ZFAT: variants seen among roughly 807,000 people sequenced by gnomAD.
The protein encoded by ZFAT is zinc finger protein ZFAT.
A neutral mutation model predicts 117.7 loss-of-function variants in ZFAT; 64 were observed. The observed-to-expected ratio is 0.54, with a 90% CI of 0.44 to 0.67. The LOEUF (loss-of-function observed/expected upper bound fraction) is 0.67, where lower values mean the gene tolerates loss of function less well. ZFAT is among the 30% of genes least tolerant of loss of function. The probability of loss-of-function intolerance (pLI) is 0.00; values close to 1 mark genes in which losing one functional copy is unlikely to be tolerated. For synonymous variants in ZFAT, 679 were observed against 615.0 expected, an observed-to-expected ratio of 1.10 and a Z score of -1.54; for missense variants, 1,433 against 1,584.5, an observed-to-expected ratio of 0.90 and a Z score of 1.62.
chr8:134,539,237 T>C (rs1349718750), intron 11 of ZFAT, among the ~76,000 whole-genome samples: 1 of 152,170 alleles, frequency 6.6e-6, no homozygotes, highest in Non-Finnish European at 1.5e-5. Flanking sequence ...GATGAGGTAA[T>C]GTTCAAGGTC....
At chr8:134,573,598 C>T (rs1276452975) in intron 10 of ZFAT, among the ~76,000 whole-genome samples, 1 of 152,204 alleles carries the variant, frequency 6.6e-6, no homozygotes. Flanking sequence ...TCACTAGCAG[C>T]TCCATTTCCC....
chr8:134,676,124 G>A (rs1367878958), intron 1 of ZFAT, among the ~76,000 whole-genome samples: 2 of 151,940 alleles, frequency 1.3e-5, no homozygotes, highest in African/African-American at 4.8e-5. Context: ...TGGTCTAAAT[G>A]CCCCAATTAA....
At chr8:134,619,167 T>C (rs1828942191) in intron 3 of ZFAT, among the ~76,000 whole-genome samples, 1 of 152,186 alleles carries the variant, frequency 6.6e-6, no homozygotes, top group Non-Finnish European at 1.5e-5. Flanking sequence ...TAGCTTAGCC[T>C]ATCCTATCTT....
chr8:134,766,559 AT>A, the ZFAT span: 1 of 152,072 alleles, frequency 6.6e-6, no homozygotes, highest in Non-Finnish European at 1.5e-5. Flanking sequence ...TCACTTTTCA[AT>A]TTATTATTTA....
the ZFAT span, among the ~76,000 whole-genome samples, chr8:134,747,255 A>G: frequency 2.0e-5 from 3 of 151,352 alleles, no homozygotes; most frequent in Admixed American, 6.6e-5. Flanking sequence ...CACCCAGCTA[A>G]TTTTTAAAAA....
the ZFAT span, among the ~76,000 whole-genome samples, chr8:134,757,675 C>A: frequency 6.6e-6 from 1 of 152,060 alleles, no homozygotes; most frequent in African/African-American, 2.4e-5. Context: ...TTGCAGGGTA[C>A]CAATGATTTG....
At chr8:134,609,149 C>T (rs1178223977) in intron 4 of ZFAT, among the ~76,000 whole-genome samples, 1 of 148,874 alleles carries the variant, frequency 6.7e-6, no homozygotes, top group Non-Finnish European at 1.5e-5. Flanking sequence ...TTAAAAAGTA[C>T]ACATATACAC....
At chr8:134,543,238 C>A (rs1822417559) in intron 11 of ZFAT, among the ~76,000 whole-genome samples, 1 of 151,284 alleles carries the variant, frequency 6.6e-6, no homozygotes, top group East Asian at 1.9e-4. Context: ...TGTACAAATC[C>A]CCAGATGACC....
intron 1 of ZFAT, among the ~76,000 whole-genome samples, chr8:134,666,196 C>T: frequency 6.6e-6 from 1 of 152,134 alleles, no homozygotes; most frequent in Non-Finnish European, 1.5e-5. Flanking sequence ...AACTCCCACC[C>T]CCATCCACCA....
chr8:134,806,685 A>C, the ZFAT span, among the ~76,000 whole-genome samples: 1 of 152,206 alleles, frequency 6.6e-6, no homozygotes, highest in Non-Finnish European at 1.5e-5. Context: ...TATTTAACTC[A>C]CACAAACAAT....
At chr8:134,807,150 T>C in the ZFAT span, among the ~76,000 whole-genome samples, 1 of 152,232 alleles carries the variant, frequency 6.6e-6, no homozygotes, top group Non-Finnish European at 1.5e-5. Context: ...TAACTGGAAA[T>C]GTTTGTCAAT....
chr8:134,522,574 C>A (rs1434173634), intron 12 of ZFAT, among the ~76,000 whole-genome samples: 2 of 152,338 alleles, frequency 1.3e-5, no homozygotes, highest in East Asian at 3.9e-4. Context: ...AGAGCACACT[C>A]CAGAGCCCAA....
intron 15 of ZFAT, among the ~76,000 whole-genome samples, chr8:134,490,952 C>T (rs1212544611): frequency 6.6e-6 from 1 of 152,284 alleles, no homozygotes; most frequent in East Asian, 1.9e-4. Flanking sequence ...GAAGCCAGTG[C>T]ACCTCAGCGG....
intron 7 of ZFAT, 82 bp downstream of exon 7, chr8:134,600,354 A>T (rs754761708): frequency 8.0e-7 from 1 of 1,244,612 alleles, no homozygotes; most frequent in Non-Finnish European, 1.2e-6. Context: ...CCTGCAGCAG[A>T]GACACCTACA....
rs141893747 is a variant in ZFAT at position 134,543,756 on chromosome 8, G to A, written c.2977-10784C>T. 2.8e-3 allele frequency among the ~76,000 whole-genome samples: 427 copies of A among 152,210 alleles called. 3 individuals carry two copies. Among genetic ancestry groups the A allele is most frequent in the African/African-American group, 9.8e-3 (405 of 41,532 alleles). On this transcript the variant is annotated intron_variant, in intron 11 of 15. Coordinates refer to ENST00000377838, the MANE Select transcript of ZFAT (RefSeq NM_020863.4). ...TGAAAGTCAGCAAAACTTGTCTGAAGGAACAAGTTGATCACGTTGGATTCA... is the reference window on the plus strand; with the variant it reads ...TGAAAGTCAGCAAAACTTGTCTGAAAGAACAAGTTGATCACGTTGGATTCA...
Position 134,588,414 on chromosome 8 carries a change from G to GACC in ZFAT, c.2564-20_2564-19insGGT. ...GAGACCTCTAGAAGAAAAGCAGGAT[G>GACC]TCAAAAGGAGTCAGAGCACCTCAGG... is the stretch of plus-strand genomic sequence containing the variant. On this transcript the variant is annotated intron_variant, in intron 8 of 15. Transcript: ENST00000377838. 2 of 1,556,804 alleles carry GACC rather than the reference G, an allele frequency of 1.3e-6. No individual in the cohort carries two copies. The highest frequency in any genetic ancestry group is 1.7e-6 in the Non-Finnish European group (2 of 1,152,528).
chr8:134,571,513 T>A (rs1824900502), intron 10 of ZFAT, among the ~76,000 whole-genome samples: 1 of 130,336 alleles, frequency 7.7e-6, no homozygotes, highest in African/African-American at 2.6e-5. Context: ...CAACCAAGAG[T>A]CCAAGAAGTA....
chr8:134,593,957 A>C (rs770610073), intron 7 of ZFAT, among the ~76,000 whole-genome samples: 10 of 152,256 alleles, frequency 6.6e-5, no homozygotes, highest in Non-Finnish European at 1.3e-4. Flanking sequence ...TGTCTGCAGA[A>C]AGTGCAGCAA....
intron 2 of ZFAT, among the ~76,000 whole-genome samples, chr8:134,647,219 T>C (rs1830949831): frequency 6.6e-6 from 1 of 152,124 alleles, no homozygotes. Context: ...GTTCAACATA[T>C]GTGTATAAAT....
Sources: gnomAD v4.1 joint callset for allele counts (sites outside exome capture counted in the v4.1 genomes callset) on GRCh38, gnomAD v4.1.1 for gene constraint, MANE v1.5 for transcripts, NCBI Gene and HGNC (gene_info 2026-07-23, HGNC 2026-07-21) for gene names.